Variants in DIS3L2 observed in about 807,000 individuals in gnomAD.
DIS3L2 encodes DIS3-like exonuclease 2.
Under a neutral mutation model 97.5 loss-of-function variants are expected in DIS3L2, and 34 were observed. That is an observed-to-expected ratio of 0.35 (90% CI 0.27 to 0.46). The LOEUF (loss-of-function observed/expected upper bound fraction) is 0.46. Among genes scored for constraint, DIS3L2 ranks in the 20% least tolerant of loss-of-function variants. DIS3L2 has a pLI of 1.00. For synonymous variants in DIS3L2, 435 were observed against 445.2 expected, an observed-to-expected ratio of 0.98 and a Z score of 0.29; for missense variants, 1,038 against 1,146.0, an observed-to-expected ratio of 0.91 and a Z score of 1.36.
chr2:232,043,694 T>G (rs1045733139), intron 5 of DIS3L2, among the ~76,000 whole-genome samples: 7 of 152,146 alleles, frequency 4.6e-5, no homozygotes, highest in African/African-American at 1.7e-4. Context: ...ACAAGTAAAT[T>G]TGTTGATTTT....
At position 232,201,410 on chromosome 2, in the gene DIS3L2, A is replaced by G. The variant is rs75350939; in HGVS notation, c.1125-8916A>G. On this transcript the variant is annotated intron_variant, in intron 9 of 20. Coordinates refer to ENST00000325385, the MANE Select transcript of DIS3L2 (RefSeq NM_152383.5). ...TTCTTCCTCCTTCTGTGAGGAAACA[A>G]TCTAATAAATCCAGAACATAAGACG... Among the ~76,000 whole-genome samples, 995 of 152,336 alleles carry G rather than the reference A, an allele frequency of 6.5e-3. 10 individuals are homozygous for G. The highest frequency in any genetic ancestry group is 0.023 in the African/African-American group (964 of 41,562).
intron 6 of DIS3L2, among the ~76,000 whole-genome samples, chr2:232,091,227 TG>T (rs1244164766): frequency 2.6e-5 from 4 of 152,208 alleles, no homozygotes; most frequent in African/African-American, 9.6e-5. Flanking sequence ...TCAGCTGTTG[TG>T]CTAGGAAATA....
In DIS3L2 at chr2:232,209,913, G is replaced by A. The variant is rs545765801; in HGVS notation, c.1125-413G>A. ...ACTCTACGGCCCAAAGTTTTTTTGCGAAGCTTATTGTTGGGTCCCATCCCC... is the reference window on the plus strand; with the variant it reads ...ACTCTACGGCCCAAAGTTTTTTTGCAAAGCTTATTGTTGGGTCCCATCCCC... On this transcript the variant is annotated intron_variant, in intron 9 of 20. Transcript: ENST00000325385. Among the ~76,000 whole-genome samples, 8 of 152,226 alleles carry A rather than the reference G, an allele frequency of 5.3e-5. No individual in the cohort carries two copies. The South Asian group carries it at 8.3e-4, about 16-fold the overall frequency.
Position 231,974,800 on chromosome 2 carries a change from T to C in DIS3L2, c.-94+13035T>C, listed in dbSNP as rs1366451254. 6.6e-5 allele frequency among the ~76,000 whole-genome samples: 10 copies of C among 152,172 alleles called. 1 individual carries two copies. Among genetic ancestry groups the C allele is most frequent in the African/African-American group, 2.4e-4 (10 of 41,444 alleles). On this transcript the variant is annotated intron_variant, in intron 1 of 20. Coordinates refer to ENST00000325385, the MANE Select transcript of DIS3L2 (RefSeq NM_152383.5). ...AGTGATAAAAGGATGTATTATAATC[T>C]TCTGATCTCTTAGGCTAATAGAATA...
chr2:232,128,816 C>G (rs1384173920), intron 6 of DIS3L2, among the ~76,000 whole-genome samples: 1 of 152,134 alleles, frequency 6.6e-6, no homozygotes, highest in Non-Finnish European at 1.5e-5. Context: ...AGGTGATTCA[C>G]CTTTTCAACC....
chr2:232,202,903 C>T (rs1691936086), intron 9 of DIS3L2, among the ~76,000 whole-genome samples: 1 of 152,170 alleles, frequency 6.6e-6, no homozygotes, highest in South Asian at 2.1e-4. Flanking sequence ...AAGGCGCAGC[C>T]CCACTGAGCA....
intron 8 of DIS3L2, among the ~76,000 whole-genome samples, chr2:232,141,404 A>G (rs1000695978): frequency 9.9e-5 from 15 of 152,208 alleles, no homozygotes; most frequent in Admixed American, 9.8e-4. Context: ...GATATGTGAC[A>G]TGAATCGACC....
chr2:232,163,564 A>G lies in DIS3L2; in HGVS notation c.1056A>G (p.Leu352=), dbSNP rs1286895716. 1.2e-6 allele frequency: 2 copies of G among 1,614,154 alleles called. No homozygotes were observed. The highest frequency in any genetic ancestry group is 1.7e-6 in the Non-Finnish European group (2 of 1,180,018). ...TCTCTGATTTCTCTTCAGAAGTTCT[A>G]GAATGTCTTCCTCAAGGCCTGCCAT... ...VDFSDFSSEV[L]ECLPQGLPWT... is the part of the protein sequence containing the mutation. The change falls in exon 9 of 21, where the codon CTA becomes CTG. Residue 352 remains leucine (L), a synonymous_variant. Transcript: ENST00000325385.
At chr2:232,126,966 A>G (rs987041306) in intron 6 of DIS3L2, among the ~76,000 whole-genome samples, 1 of 152,070 alleles carries the variant, frequency 6.6e-6, no homozygotes, top group African/African-American at 2.4e-5. Flanking sequence ...TGGAACATCT[A>G]TATCTATATA....
At chr2:232,291,851 C>T (rs777563146) in intron 13 of DIS3L2, among the ~76,000 whole-genome samples, 6 of 152,194 alleles carry the variant, frequency 3.9e-5, no homozygotes, top group African/African-American at 9.7e-5. Flanking sequence ...GGAGGTATTG[C>T]GAACAAAACA....
intron 9 of DIS3L2, among the ~76,000 whole-genome samples, chr2:232,209,112 A>G (rs1692113617): frequency 6.6e-6 from 1 of 152,194 alleles, no homozygotes; most frequent in South Asian, 2.1e-4. Flanking sequence ...TTGATGGCGC[A>G]TCTTATAATT....
At chr2:232,217,071 G>A (rs1379068329) in intron 10 of DIS3L2, among the ~76,000 whole-genome samples, 1 of 152,138 alleles carries the variant, frequency 6.6e-6, no homozygotes, top group African/African-American at 2.4e-5. Flanking sequence ...TTGAACTCCT[G>A]ACTTTGTGAT....
chr2:232,125,008 C>G (rs73996905), intron 6 of DIS3L2, among the ~76,000 whole-genome samples: 2,945 of 152,292 alleles, frequency 0.019, 89 homozygotes, highest in African/African-American at 0.067. Context: ...GTTTCATGGT[C>G]TGGTCCCTAC....
chr2:231,993,667 C>A (rs1693643972), intron 1 of DIS3L2, among the ~76,000 whole-genome samples: 1 of 151,920 alleles, frequency 6.6e-6, no homozygotes, highest in African/African-American at 2.4e-5. Context: ...CAGGTAATGT[C>A]TTTCATTAAA....
At chr2:232,022,964 T>G (rs1694560659) in intron 3 of DIS3L2, 1 of 152,234 alleles carries the variant, frequency 6.6e-6, no homozygotes, top group African/African-American at 2.4e-5. Flanking sequence ...TAGGCAGAGT[T>G]ATCGCACAAT....
chr2:232,185,077 G>A (rs1476599282), intron 9 of DIS3L2, among the ~76,000 whole-genome samples: 5 of 152,178 alleles, frequency 3.3e-5, no homozygotes, highest in African/African-American at 4.8e-5. Flanking sequence ...GGGTAGCAAA[G>A]TTCTCATCAA....
At chr2:231,986,826 T>C (rs1390894578) in intron 1 of DIS3L2, among the ~76,000 whole-genome samples, 1 of 152,232 alleles carries the variant, frequency 6.6e-6, no homozygotes, top group Non-Finnish European at 1.5e-5. Flanking sequence ...AGCCTGTTTG[T>C]AGTAGCACTT....
At chr2:232,077,903 T>C (rs1406590703) in intron 5 of DIS3L2, among the ~76,000 whole-genome samples, 7 of 152,204 alleles carry the variant, frequency 4.6e-5, no homozygotes, top group Non-Finnish European at 7.3e-5. Context: ...CCAGGCCCTT[T>C]ACTGTACTTT....
chr2:232,097,390 C>T (rs991979405), intron 6 of DIS3L2, among the ~76,000 whole-genome samples: 6 of 152,162 alleles, frequency 3.9e-5, no homozygotes, highest in Non-Finnish European at 7.3e-5. Flanking sequence ...CTGGGTCTCA[C>T]GCAAGGCCCA....
Sources: gnomAD v4.1 joint callset for allele counts (sites outside exome capture counted in the v4.1 genomes callset) on GRCh38, gnomAD v4.1.1 for gene constraint, MANE v1.5 for transcripts, NCBI Gene and HGNC (gene_info 2026-07-23, HGNC 2026-07-21) for gene names.